SI: variants seen among roughly 807,000 people sequenced by gnomAD.
The protein encoded by SI is sucrase-isomaltase, also known as sucrase-isomaltase, intestinal.
Under a neutral mutation model 253.3 loss-of-function variants are expected in SI, and 235 were observed. The ratio of observed to expected loss-of-function variants is 0.93; its 90% CI spans 0.83 to 1.03. The LOEUF is 1.03. Ranked by LOEUF, SI falls within the 50% of genes least tolerant of loss-of-function variation. SI has a pLI of 0.00. For synonymous variants in SI, 819 were observed against 712.0 expected (o/e 1.15, Z -2.39); for missense variants, 2,442 against 2,211.1 (o/e 1.10, Z -2.09).
intron 37 of SI, among the ~76,000 whole-genome samples, chr3:165,006,590 A>G (rs1718520489): frequency 6.6e-6 from 1 of 152,180 alleles, no homozygotes; most frequent in Non-Finnish European, 1.5e-5. Flanking sequence ...TCTAGGATTT[A>G]TTTTGGAATA....
chr3:165,041,131 A>G (rs778115883), intron 17 of SI, 37 bp from the exon 18 acceptor site: 2 of 1,591,600 alleles, frequency 1.3e-6, no homozygotes, highest in East Asian at 2.2e-5. Context: ...TAAGAAAGCT[A>G]AAGTATGAGT....
At chr3:165,063,638 A>G (rs1307293224) in intron 7 of SI, 97 bp from the exon 8 acceptor site, 5 of 617,952 alleles carry the variant, frequency 8.1e-6, no homozygotes, top group South Asian at 1.9e-5. Context: ...ATTTGTTGCT[A>G]TAATTTACTT....
chr3:165,069,051 G>T (rs1200951376), intron 4 of SI, 27 bp downstream of exon 4: 2 of 1,434,596 alleles, frequency 1.4e-6, no homozygotes, highest in African/African-American at 1.4e-5. Context: ...ATATCATATT[G>T]AATCATTATA....
At chr3:165,018,696 A>G (rs1719161061) in intron 28 of SI, among the ~76,000 whole-genome samples, 2 of 151,434 alleles carry the variant, frequency 1.3e-5, no homozygotes, top group African/African-American at 4.8e-5. Context: ...ATTTTTAGTA[A>G]TATGCAAAAT....
chr3:165,015,513 C>G (rs182964364), intron 32 of SI, among the ~76,000 whole-genome samples: 79 of 152,200 alleles, frequency 5.2e-4, no homozygotes, highest in African/African-American at 1.8e-3. Flanking sequence ...ATCTGGCTAA[C>G]TAGCTTACTT....
chr3:164,992,471 A>G (rs1258765313), intron 41 of SI, 74 bp from the exon 42 acceptor site: 2 of 1,041,756 alleles, frequency 1.9e-6, no homozygotes, highest in African/African-American at 3.3e-5. Context: ...TCATTATTCA[A>G]ATTACATTTT....
chr3:165,038,978 T>C (rs1305138158), intron 20 of SI, 100 bp downstream of exon 20: 19 of 690,160 alleles, frequency 2.8e-5, no homozygotes, highest in Non-Finnish European at 4.8e-5. Flanking sequence ...TCTAAAAATA[T>C]GTATGCTATG....
intron 26 of SI, 140 bp downstream of exon 26, chr3:165,023,430 A>G: frequency 1.5e-6 from 1 of 669,130 alleles, no homozygotes; most frequent in Non-Finnish European, 2.5e-6. Context: ...GTTGTGTAGG[A>G]AAAAATATTT....
chr3:165,082,030 C>T (rs1715346357), upstream of SI, among the ~76,000 whole-genome samples: 1 of 151,922 alleles, frequency 6.6e-6, no homozygotes, highest in Non-Finnish European at 1.5e-5. Context: ...CACACATTTG[C>T]TAATAAATAG....
rs531210684 is a variant in SI at position 165,062,221 on chromosome 3, A to T, written c.1020+150T>A. On this transcript the variant is annotated intron_variant, in intron 9 of 47. Transcript: ENST00000264382. The stretch of plus-strand genomic sequence containing the variant: ...TCATTGTATAGGGGAAAAAAAAAAC[A>T]CCCAGCTGCATCTTAAATATGATAA... 5 of 601,346 alleles carry T rather than the reference A, an allele frequency of 8.3e-6. No homozygotes were observed. The African/African-American group carries it at 9.4e-5, about 11-fold the overall frequency. 37.3% of individuals were successfully genotyped at this position (601,346 alleles called of 1,614,324 possible). A position where few individuals can be genotyped will look rare whatever the true frequency, so the allele number is the denominator to read the frequency against.
intron 37 of SI, among the ~76,000 whole-genome samples, chr3:165,001,845 T>C (rs894721358): frequency 4.0e-5 from 6 of 151,530 alleles, no homozygotes; most frequent in Non-Finnish European, 7.4e-5. Context: ...TCCTATAGTT[T>C]ACAATGCCCC....
chr3:164,993,718 T>G (rs7641009), intron 41 of SI, among the ~76,000 whole-genome samples: 1 of 151,680 alleles, frequency 6.6e-6, no homozygotes, highest in Admixed American at 6.6e-5. Flanking sequence ...ATATGCTCCA[T>G]GAAATAGAAT....
chr3:165,029,507 T>C (rs780115277), intron 25 of SI, among the ~76,000 whole-genome samples: 1 of 147,990 alleles, frequency 6.8e-6, no homozygotes, highest in Non-Finnish European at 1.5e-5. Context: ...ACAATTGCAA[T>C]TGCAAAAATG....
At chr3:165,081,744 G>A (rs570729346), upstream of SI, among the ~76,000 whole-genome samples, 4 of 152,114 alleles carry the variant, frequency 2.6e-5, no homozygotes, top group South Asian at 2.1e-4. Context: ...GCTCTGGGAG[G>A]TGTTGAATTT....
chr3:164,979,297 G>GT lies in SI; in HGVS notation c.*64dup. 1 of 931,126 alleles carries GT rather than the reference G, an allele frequency of 1.1e-6. No individual in the cohort carries two copies. Among genetic ancestry groups the GT allele is most frequent in the Non-Finnish European group, 1.8e-6 (1 of 563,196 alleles). The allele number at this position is 931,126 out of a possible 1,614,324, so 57.7% of individuals were successfully genotyped here. A position where few individuals can be genotyped will look rare whatever the true frequency, so the allele number is the denominator to read the frequency against. ...AAGAACCAAGTGAAGAGGGAAAATT[G>GT]TAAGTGCTGTGAAACTTAAATCCTG... On this transcript the variant is annotated 3_prime_UTR_variant, in exon 48 of 48. Coordinates refer to ENST00000264382, the MANE Select transcript of SI (RefSeq NM_001041.4).
At chr3:165,013,809 A>C (rs927485669) in intron 33 of SI, among the ~76,000 whole-genome samples, 3 of 152,156 alleles carry the variant, frequency 2.0e-5, no homozygotes, top group Non-Finnish European at 4.4e-5. Flanking sequence ...AATGAGGAGA[A>C]AGTAGGAAGT....
chr3:165,036,129 T>C (rs548045675), intron 22 of SI, among the ~76,000 whole-genome samples: 5 of 151,758 alleles, frequency 3.3e-5, no homozygotes, highest in Admixed American at 1.3e-4. Context: ...TTTAATCTAA[T>C]AGATAAAGAT....
chr3:164,992,088 A>T (rs1299769943), intron 43 of SI, 89 bp downstream of exon 43: 1 of 1,082,832 alleles, frequency 9.2e-7, no homozygotes, highest in African/African-American at 1.6e-5. Context: ...AGTGGAAAGT[A>T]AATCCAACAT....
chr3:164,990,986 A>G (rs1717706901), intron 44 of SI, among the ~76,000 whole-genome samples: 1 of 150,198 alleles, frequency 6.7e-6, no homozygotes, highest in Admixed American at 6.6e-5. Context: ...AAAAAAGATA[A>G]TATTTTTTTT....
Sources: allele counts gnomAD v4.1 joint callset (sites outside exome capture counted in the v4.1 genomes callset), GRCh38; gene constraint gnomAD v4.1.1; transcripts MANE v1.5; gene names NCBI Gene and HGNC (gene_info 2026-07-23, HGNC 2026-07-21).